The following DDX18 variants were observed in gnomAD, a reference collection of about 807,000 sequenced individuals.
DDX18 encodes the protein ATP-dependent RNA helicase DDX18.
Under a neutral mutation model 73.5 loss-of-function variants are expected in DDX18, and 23 were observed. The observed-to-expected ratio is 0.31, with a 90% CI of 0.23 to 0.44. The LOEUF (loss-of-function observed/expected upper bound fraction) is 0.44, where lower values mean the gene tolerates loss of function less well. Among genes scored for constraint, DDX18 ranks in the 20% least tolerant of loss-of-function variants. DDX18 has a pLI of 1.00. For missense variants in DDX18, 753 were observed against 792.9 expected, an observed-to-expected ratio of 0.95 and a Z score of 0.60; for synonymous variants, 268 against 282.7, an observed-to-expected ratio of 0.95 and a Z score of 0.52.
Position 117,814,755 on chromosome 2 carries a change from A to G in DDX18, c.-23A>G, listed in dbSNP as rs965220391. 3 of 1,613,362 alleles carry G rather than the reference A, an allele frequency of 1.9e-6. No homozygotes were observed. The highest frequency in any genetic ancestry group is 2.5e-6 in the Non-Finnish European group (3 of 1,179,442). On this transcript the variant is annotated 5_prime_UTR_variant, in exon 1 of 14. Transcript: ENST00000263239. ...GAGTAGCTGTACTGTGTGGCGCCTT[A>G]TTCTAGGCACTTGTTGGGCAGAATG...
intron 2 of DDX18, among the ~76,000 whole-genome samples, chr2:117,818,541 C>T (rs1350320873): frequency 6.6e-6 from 1 of 152,232 alleles, no homozygotes; most frequent in African/African-American, 2.4e-5. Context: ...TGCCTACACA[C>T]AGAAGTCATT....
At chr2:117,823,290 G>A (rs1232939119) in intron 7 of DDX18, among the ~76,000 whole-genome samples, 1 of 152,154 alleles carries the variant, frequency 6.6e-6, no homozygotes, top group South Asian at 2.1e-4. Flanking sequence ...ATTGAGTCAT[G>A]TAACCCATAA....
At chr2:117,823,871 T>C (rs531282729) in intron 7 of DDX18, among the ~76,000 whole-genome samples, 1 of 152,340 alleles carries the variant, frequency 6.6e-6, no homozygotes, top group South Asian at 2.1e-4. Context: ...AAATAGATGG[T>C]CAAATGTTTT....
intron 11 of DDX18, chr2:117,828,643 A>T (rs1330912535): frequency 3.9e-6 from 1 of 256,906 alleles, no homozygotes; most frequent in Non-Finnish European, 7.4e-6. Context: ...GGCCCTTCTG[A>T]CTAGAAGCTT....
chr2:117,829,193 C>A (rs1679980446), intron 12 of DDX18, 96 bp from the exon 13 acceptor site: 18 of 1,345,576 alleles, frequency 1.3e-5, no homozygotes, highest in Non-Finnish European at 1.8e-5. Context: ...AAATGTTTTC[C>A]ATGGAGTGGC....
chr2:117,826,482 T>A, intron 11 of DDX18, 100 bp downstream of exon 11: 1 of 1,068,008 alleles, frequency 9.4e-7, no homozygotes, highest in East Asian at 2.6e-5. Flanking sequence ...TGGCCAGTGC[T>A]GTTACAACCA....
chr2:117,814,899 A>G, intron 1 of DDX18, 37 bp downstream of exon 1: 7 of 1,610,846 alleles, frequency 4.3e-6, no homozygotes, highest in African/African-American at 1.3e-5. Flanking sequence ...CAGAAGACCC[A>G]CGCGCGAGCC....
intron 1 of DDX18, among the ~76,000 whole-genome samples, chr2:117,816,043 A>G (rs1345555005): frequency 6.6e-6 from 1 of 152,216 alleles, no homozygotes; most frequent in Non-Finnish European, 1.5e-5. Context: ...CTAAACATAG[A>G]AAAGGTACAG....
At chr2:117,822,430 A>G in intron 7 of DDX18, 169 bp downstream of exon 7, 1 of 568,198 alleles carries the variant, frequency 1.8e-6, no homozygotes, top group Non-Finnish European at 3.1e-6. Flanking sequence ...AATGTATTAT[A>G]ACTTGATATA....
chr2:117,825,575 G>A lies in DDX18; in HGVS notation c.1497G>A (p.Gln499=). The A allele has an allele frequency of 6.2e-7, 1 of 1,614,102 alleles. No individual in the cohort carries two copies. Among genetic ancestry groups the A allele is most frequent in the Non-Finnish European group, 8.5e-7 (1 of 1,179,978 alleles). Residue 499 remains glutamine, a synonymous_variant, in exon 10 of 14, where the codon CAG becomes CAA. Transcript: ENST00000263239. ...LDIPEVDWIV[Q]YDPPDDPKEY... ...TTCCTGAAGTCGACTGGATTGTTCA[G>A]TATGACCCTCCGGATGACCCTAAGG...
chr2:117,820,104 G>A (rs1336454406), intron 3 of DDX18, among the ~76,000 whole-genome samples: 2 of 152,196 alleles, frequency 1.3e-5, no homozygotes, highest in Non-Finnish European at 2.9e-5. Flanking sequence ...ATAGGAAAAT[G>A]ATTGGCCCTG....
At chr2:117,827,938 C>T (rs1011539142) in intron 11 of DDX18, 3 of 152,222 alleles carry the variant, frequency 2.0e-5, no homozygotes, top group African/African-American at 7.2e-5. Flanking sequence ...TTTACAGTCC[C>T]ACCAACAGTG....
In DDX18 at chr2:117,831,051, CCTT is replaced by C. The variant is rs1392878961; in HGVS notation, c.*331_*333del. 5 of 237,710 alleles carry C rather than the reference CCTT, an allele frequency of 2.1e-5. No individual in the cohort carries two copies. Among genetic ancestry groups the C allele is most frequent in the Non-Finnish European group, 3.2e-5 (4 of 125,228 alleles). 14.7% of individuals were successfully genotyped at this position (237,710 alleles called of 1,614,324 possible). On this transcript the variant is annotated 3_prime_UTR_variant, in exon 14 of 14. Coordinates refer to ENST00000263239, the MANE Select transcript of DDX18 (RefSeq NM_006773.4). The stretch of plus-strand genomic sequence containing the variant: ...TTAATATAATTCTTTTTGTACCTTT[CCTT>C]CTTGTTTTGCGAAGATTTTTGTGGC...
chr2:117,826,803 T>G (rs1434982236), intron 11 of DDX18: 2 of 171,794 alleles, frequency 1.2e-5, no homozygotes, highest in Non-Finnish European at 2.5e-5. Context: ...CATCAACTCT[T>G]GGCCTACAGT....
At position 117,817,741 on chromosome 2, in the gene DDX18, T is replaced by C; in HGVS notation, c.370+13T>C. The C allele has an allele frequency of 6.3e-7, 1 of 1,581,544 alleles. No individual in the cohort carries two copies. Among genetic ancestry groups the C allele is most frequent in the Non-Finnish European group, 8.5e-7 (1 of 1,169,706 alleles). On this transcript the variant is annotated intron_variant, in intron 2 of 13. Transcript: ENST00000263239. Reference sequence around the variant, plus strand: ...GATGCTGAGCCTGGTAGGTATTTATTATCTTTGAACTTCAGCCATTTAGTT... The same window carrying C: ...GATGCTGAGCCTGGTAGGTATTTATCATCTTTGAACTTCAGCCATTTAGTT...
In DDX18 at chr2:117,822,049, G is replaced by A; in HGVS notation, c.939G>A (p.Leu313=). ...TTGTGGCCACACCAGGCCGTCTGCT[G>A]GACCATATGCAGGTAAGAGATGTAG... is the stretch of plus-strand genomic sequence containing the variant. ...NIIVATPGRL[L]DHMQNTPGFM... The change falls in exon 6 of 14, where the codon CTG becomes CTA. Residue 313 remains leucine, a synonymous_variant. Coordinates refer to ENST00000263239, the MANE Select transcript of DDX18 (RefSeq NM_006773.4). The A allele has an allele frequency of 6.2e-7, 1 of 1,613,994 alleles. No individual in the cohort carries two copies. Among genetic ancestry groups the A allele is most frequent in the Non-Finnish European group, 8.5e-7 (1 of 1,179,924 alleles).
Position 117,830,803 on chromosome 2 carries a change from A to C in DDX18, c.*79A>C. The C allele has an allele frequency of 6.4e-7, 1 of 1,571,106 alleles. No homozygotes were observed. Among genetic ancestry groups the C allele is most frequent in the South Asian group, 1.2e-5 (1 of 85,784 alleles). On this transcript the variant is annotated 3_prime_UTR_variant, in exon 14 of 14. Transcript: ENST00000263239. Reference sequence around the variant, plus strand: ...CCCCTTGATTTAACAGGATTTTTGTAGACTTTAGAATTTGGACTTACCTAA... The same window carrying C: ...CCCCTTGATTTAACAGGATTTTTGTCGACTTTAGAATTTGGACTTACCTAA...
At position 117,825,497 on chromosome 2, in the gene DDX18, T is replaced by G; in HGVS notation, c.1419T>G (p.Asn473Lys). ...KRTTTFFQFC[N>K]ADSGTLLCTD... ...CAACCACATTCTTCCAGTTCTGCAATGCAGATTCGGGAACACTATTGTGTA... is the reference window on the plus strand; with the variant it reads ...CAACCACATTCTTCCAGTTCTGCAAGGCAGATTCGGGAACACTATTGTGTA... The change falls in exon 10 of 14, where the codon AAT (asparagine) becomes AAG (lysine). Residue 473 changes from asparagine (N) to lysine (K), a missense_variant. This residue lies in a region of DDX18 where 402 missense variants were observed against 419.4 expected (regional missense o/e 0.96). Coordinates refer to ENST00000263239, the MANE Select transcript of DDX18 (RefSeq NM_006773.4). The G allele has an allele frequency of 6.2e-7, 1 of 1,614,172 alleles. No homozygotes were observed. Among genetic ancestry groups the G allele is most frequent in the Non-Finnish European group, 8.5e-7 (1 of 1,180,008 alleles).
chr2:117,822,870 G>A (rs1400192356), intron 7 of DDX18: 1 of 151,884 alleles, frequency 6.6e-6, no homozygotes, highest in East Asian at 1.9e-4. Flanking sequence ...GTTTTCTGCT[G>A]CTAGATTAGG....
Sources: gnomAD v4.1 joint callset for allele counts (sites outside exome capture counted in the v4.1 genomes callset) on GRCh38, gnomAD v4.1.1 for gene constraint, gnomAD v4.1.1 regional missense constraint, MANE v1.5 for transcripts, NCBI Gene and HGNC (gene_info 2026-07-23, HGNC 2026-07-21) for gene names.